The following MGAT5B variants were observed in gnomAD, a reference collection of about 807,000 sequenced individuals.
MGAT5B encodes alpha-1,6-mannosylglycoprotein 6-beta-N-acetylglucosaminyltransferase B.
Under a neutral mutation model 95.1 loss-of-function variants are expected in MGAT5B, and 54 were observed. That is an observed-to-expected ratio of 0.57 (90% CI 0.46 to 0.71). The LOEUF (loss-of-function observed/expected upper bound fraction) is 0.71. MGAT5B is among the 30% of genes least tolerant of loss of function. The probability of loss-of-function intolerance (pLI) is 0.00; values close to 1 mark genes in which losing one functional copy is unlikely to be tolerated. For synonymous variants in MGAT5B, 464 were observed against 451.0 expected, an observed-to-expected ratio of 1.03 and a Z score of -0.36; for missense variants, 935 against 1,088.6, an observed-to-expected ratio of 0.86 and a Z score of 1.99.
intron 3 of MGAT5B, among the ~76,000 whole-genome samples, chr17:76,895,067 G>A (rs1299352458): frequency 6.6e-6 from 1 of 152,042 alleles, no homozygotes; most frequent in Non-Finnish European, 1.5e-5. Flanking sequence ...CCGTATTTAC[G>A]GCTGCTCCTC....
chr17:76,873,460 T>C (rs1360649958), intron 2 of MGAT5B, among the ~76,000 whole-genome samples: 3 of 152,216 alleles, frequency 2.0e-5, no homozygotes, highest in African/African-American at 7.2e-5. Context: ...GATCAGAGCA[T>C]GGGCTTTGGG....
chr17:76,940,704 G>A lies in MGAT5B; in HGVS notation c.1732-28G>A, dbSNP rs371688537. On this transcript the variant is annotated intron_variant, in intron 14 of 17. Transcript: ENST00000569840. The surrounding 1 kb of genome is among the most constrained non-coding windows in gnomAD (Gnocchi z 4.3). ...CCTGTCCCACTGGCAGGCACGGGGG[G>A]CATCTGCAATCTCTGTACCCTTGCC... 3 of 1,609,778 alleles carry A rather than the reference G, an allele frequency of 1.9e-6. No homozygotes were observed. Among genetic ancestry groups the A allele is most frequent in the Non-Finnish European group, 1.7e-6 (2 of 1,176,472 alleles).
intron 4 of MGAT5B, among the ~76,000 whole-genome samples, 175 bp from the exon 5 acceptor site, chr17:76,903,128 G>A (rs1028402116): frequency 1.3e-5 from 2 of 152,180 alleles, no homozygotes; most frequent in Non-Finnish European, 2.9e-5. Flanking sequence ...CCCCTGAGGA[G>A]GCCGGGGGCA....
Position 76,870,530 on chromosome 17 carries a change from G to T in MGAT5B, c.68+1433G>T, listed in dbSNP as rs1227101516. 6.6e-6 allele frequency among the ~76,000 whole-genome samples: 1 copy of T among 152,192 alleles called. No homozygotes were observed. Among genetic ancestry groups the T allele is most frequent in the Non-Finnish European group, 1.5e-5 (1 of 68,028 alleles). On this transcript the variant is annotated intron_variant, in intron 1 of 17. Coordinates refer to ENST00000569840, the MANE Select transcript of MGAT5B (RefSeq NM_001199172.2). This position sits in a 1 kb window ranked among gnomAD's most constrained non-coding sequence, Gnocchi z 5.0. ...CGGGCCGCTGGGTGTTTCCTGGCGC[G>T]ATTGGAAGCAGCCGCGAGACCCCAG...
At position 76,905,066 on chromosome 17, in the gene MGAT5B, G is replaced by GC. The variant is rs1327532155; in HGVS notation, c.691-99dup. 1 of 1,284,944 alleles carries GC rather than the reference G, an allele frequency of 7.8e-7. No homozygotes were observed. Among genetic ancestry groups the GC allele is most frequent in the Non-Finnish European group, 1.1e-6 (1 of 945,958 alleles). 79.6% of individuals were successfully genotyped at this position (1,284,944 alleles called of 1,614,324 possible). A position where few individuals can be genotyped will look rare whatever the true frequency, so the allele number is the denominator to read the frequency against. ...GAAAGTGCAGGAGAAGCTGGAGCAG[G>GC]CCCCAGCCTCATGGGAGGGTGCCAG... On this transcript the variant is annotated intron_variant, in intron 6 of 17. Coordinates refer to ENST00000569840, the MANE Select transcript of MGAT5B (RefSeq NM_001199172.2). This position sits in a 1 kb window ranked among gnomAD's most constrained non-coding sequence, Gnocchi z 4.2.
At chr17:76,880,721 C>T (rs1279045122) in intron 2 of MGAT5B, among the ~76,000 whole-genome samples, 2 of 152,190 alleles carry the variant, frequency 1.3e-5, no homozygotes, top group Non-Finnish European at 2.9e-5. Context: ...CTTGCCCCTC[C>T]CCAGGTGGGG....
At chr17:76,891,377 T>C (rs1967862582) in intron 3 of MGAT5B, among the ~76,000 whole-genome samples, 1 of 152,046 alleles carries the variant, frequency 6.6e-6, no homozygotes, top group African/African-American at 2.4e-5. Context: ...TTAGGATTTC[T>C]TTCTTTCTTT....
At chr17:76,925,168 C>T in intron 9 of MGAT5B, 71 bp downstream of exon 9, 1 of 1,585,700 alleles carries the variant, frequency 6.3e-7, no homozygotes, top group Non-Finnish European at 8.6e-7. Flanking sequence ...TCACGCCCTG[C>T]CCCCACGTCC....
chr17:76,880,485 G>A (rs1360213233), intron 2 of MGAT5B, among the ~76,000 whole-genome samples: 2 of 152,154 alleles, frequency 1.3e-5, no homozygotes, highest in East Asian at 1.9e-4. Flanking sequence ...GAGCAGCCCC[G>A]GTGATGCAGA....
At chr17:76,933,967 G>A (rs1180754693) in intron 12 of MGAT5B, among the ~76,000 whole-genome samples, 2 of 152,072 alleles carry the variant, frequency 1.3e-5, no homozygotes, top group Non-Finnish European at 2.9e-5. Flanking sequence ...GGAGCAGAGC[G>A]GGACACCACG....
rs1258756856 is a variant in MGAT5B at position 76,869,439 on chromosome 17, T to C, written c.68+342T>C. Among the ~76,000 whole-genome samples the C allele has an allele frequency of 6.6e-6, 1 of 151,966 alleles. No homozygotes were observed. Among genetic ancestry groups the C allele is most frequent in the Non-Finnish European group, 1.5e-5 (1 of 67,982 alleles). On this transcript the variant is annotated intron_variant, in intron 1 of 17. Transcript: ENST00000569840. This position sits in a 1 kb window ranked among gnomAD's most constrained non-coding sequence, Gnocchi z 7.0. ...CCCCTTCCCAGCCCCTCAGGGTCCT[T>C]CCTCACCCCGCGGACGGTCCCATCC...
In MGAT5B at chr17:76,869,103, G is replaced by T; in HGVS notation, c.68+6G>T. ...GTCACCCTGAGACCCTTTCGGTAAA[G>T]TTCCCTCCTGGTTGGTTTTTTCCCC... On this transcript the variant is annotated splice_donor_region_variant and intron_variant, in intron 1 of 17. Coordinates refer to ENST00000569840, the MANE Select transcript of MGAT5B (RefSeq NM_001199172.2). This position sits in a 1 kb window ranked among gnomAD's most constrained non-coding sequence, Gnocchi z 7.0. 1 of 1,614,006 alleles carries T rather than the reference G, an allele frequency of 6.2e-7. No homozygotes were observed. The highest frequency in any genetic ancestry group is 2.2e-5 in the East Asian group (1 of 44,866).
chr17:76,946,473 G>A, intron 16 of MGAT5B, 23 bp downstream of exon 16: 1 of 1,561,388 alleles, frequency 6.4e-7, no homozygotes, highest in Non-Finnish European at 8.7e-7. Flanking sequence ...TCTGGTCCCT[G>A]CCCCAGATCC....
At position 76,943,622 on chromosome 17, in the gene MGAT5B, G is replaced by GT. The variant is rs200166908; in HGVS notation, c.1849-2753dup. Among the ~76,000 whole-genome samples the GT allele has an allele frequency of 9.0e-3, 1,045 of 115,856 alleles. 11 individuals are homozygous for GT. Among genetic ancestry groups the GT allele is most frequent in the African/African-American group, 0.036 (932 of 25,624 alleles). 76.0% of individuals were successfully genotyped at this position (115,856 alleles called of 152,430 possible). A position where few individuals can be genotyped will look rare whatever the true frequency, so the allele number is the denominator to read the frequency against. On this transcript the variant is annotated intron_variant, in intron 15 of 17. Coordinates refer to ENST00000569840, the MANE Select transcript of MGAT5B (RefSeq NM_001199172.2). The stretch of plus-strand genomic sequence containing the variant: ...ATTATTTGAATAGAGATGGGGTGGG[G>GT]TGGGGGGGGGGTCTCATTTTGTTGC...
intron 3 of MGAT5B, among the ~76,000 whole-genome samples, chr17:76,896,509 C>T (rs1394758382): frequency 6.6e-6 from 1 of 152,136 alleles, no homozygotes; most frequent in African/African-American, 2.4e-5. Context: ...GACTGCTGTC[C>T]CTGGGGAGCA....
chr17:76,892,343 C>T (rs755725747), intron 3 of MGAT5B, among the ~76,000 whole-genome samples: 4 of 152,246 alleles, frequency 2.6e-5, no homozygotes, highest in South Asian at 4.1e-4. Context: ...CCACCACGCT[C>T]GGCCAGGTAG....
At chr17:76,913,066 C>T (rs1293487808) in intron 8 of MGAT5B, among the ~76,000 whole-genome samples, 1 of 152,208 alleles carries the variant, frequency 6.6e-6, no homozygotes, top group African/African-American at 2.4e-5. Flanking sequence ...GTTGACTTAA[C>T]TGGCAAATGA....
Position 76,890,961 on chromosome 17 carries a change from C to CT in MGAT5B, c.329+8683dup, listed in dbSNP as rs150133278. Among the ~76,000 whole-genome samples, 781 of 111,572 alleles carry CT rather than the reference C, an allele frequency of 7.0e-3. 1 individual carries two copies. The highest frequency in any genetic ancestry group is 0.011 in the Non-Finnish European group (614 of 57,688). 73.2% of individuals were successfully genotyped at this position (111,572 alleles called of 152,430 possible). On this transcript the variant is annotated intron_variant, in intron 3 of 17. Coordinates refer to ENST00000569840, the MANE Select transcript of MGAT5B (RefSeq NM_001199172.2). Reference sequence around the variant, plus strand: ...GAGGCTGAGAGAGCTCTCTGGGGGCCTTTTTTTTTTTTTTTTTTTTGGAGA... The same window carrying CT: ...GAGGCTGAGAGAGCTCTCTGGGGGCCTTTTTTTTTTTTTTTTTTTTTGGAGA...
intron 3 of MGAT5B, among the ~76,000 whole-genome samples, chr17:76,892,385 C>T (rs1169970429): frequency 6.6e-6 from 1 of 152,250 alleles, no homozygotes; most frequent in Admixed American, 6.5e-5. Context: ...CAGGACTGTG[C>T]TGGGCCAGTG....
Sources: allele counts gnomAD v4.1 joint callset (sites outside exome capture counted in the v4.1 genomes callset), GRCh38; gene constraint gnomAD v4.1.1; non-coding constraint Gnocchi (gnomAD v3.1); transcripts MANE v1.5; gene names NCBI Gene and HGNC (gene_info 2026-07-23, HGNC 2026-07-21).